FGF13: variants seen among roughly 807,000 people sequenced by gnomAD.
FGF13 encodes fibroblast growth factor homologous factor 2.
FGF13 carries 2 observed loss-of-function variants against 19.5 expected under a neutral mutation model. The ratio of observed to expected loss-of-function variants is 0.10; its 90% CI spans 0.04 to 0.32. The LOEUF (loss-of-function observed/expected upper bound fraction) is 0.32. Among genes scored for constraint, FGF13 ranks in the 10% least tolerant of loss-of-function variants. FGF13 has a pLI of 1.00. For synonymous variants in FGF13, 72 were observed against 76.9 expected, an observed-to-expected ratio of 0.94 and a Z score of 0.33; for missense variants, 113 against 192.7, an observed-to-expected ratio of 0.59 and a Z score of 2.45.
intron 3 of FGF13, among the ~76,000 whole-genome samples, chrX:138,749,322 T>TACACACACACACAC (rs34038080): frequency 9.8e-5 from 8 of 81,698 alleles, no homozygotes; most frequent in Admixed American, 5.5e-4. Context: ...GAGACCAAAA[T>TACACACACACACAC]ACACACACAC....
intron 1 of FGF13, among the ~76,000 whole-genome samples, chrX:139,015,157 CAT>C (rs1363214180): frequency 9.0e-6 from 1 of 110,786 alleles, no homozygotes; most frequent in Non-Finnish European, 1.9e-5. Flanking sequence ...CGATCAGGTA[CAT>C]GATAAGGGTG....
intron 3 of FGF13, among the ~76,000 whole-genome samples, chrX:138,784,907 G>A (rs1291891464): frequency 8.9e-6 from 1 of 112,116 alleles, no homozygotes; most frequent in Non-Finnish European, 1.9e-5. Context: ...TTTAGCAGGT[G>A]AGTGTTGCTT....
intron 1 of FGF13, among the ~76,000 whole-genome samples, chrX:139,051,743 C>T (rs542839328): frequency 8.9e-6 from 1 of 112,600 alleles, no homozygotes; most frequent in African/African-American, 3.2e-5. Flanking sequence ...TAGCAGTCTG[C>T]CTGTGCAGTT....
intron 1 of FGF13, among the ~76,000 whole-genome samples, chrX:139,169,825 C>T (rs775546051): frequency 1.8e-5 from 2 of 111,757 alleles, no homozygotes; most frequent in African/African-American, 6.5e-5. Context: ...CTGCCTTTTT[C>T]GGTGCCCAAC....
upstream of FGF13, among the ~76,000 whole-genome samples, chrX:138,739,998 A>G (rs1467350926): frequency 8.9e-6 from 1 of 112,303 alleles, no homozygotes; most frequent in East Asian, 2.8e-4. Context: ...CTATTTTAGC[A>G]TTACACCATA....
At chrX:139,097,258 G>A (rs2083476498) in intron 1 of FGF13, among the ~76,000 whole-genome samples, 2 of 111,130 alleles carry the variant, frequency 1.8e-5, no homozygotes, top group African/African-American at 6.5e-5. Context: ...GAAAGAAGAA[G>A]AATTGTCTTG....
intron 1 of FGF13, among the ~76,000 whole-genome samples, chrX:138,966,032 C>G (rs1266222235): frequency 8.9e-6 from 1 of 111,873 alleles, no homozygotes; most frequent in African/African-American, 3.3e-5. Context: ...TTAAAGGATG[C>G]AAAGTATTGT....
intron 3 of FGF13, among the ~76,000 whole-genome samples, chrX:138,690,521 T>C (rs191946643): frequency 9.4e-6 from 1 of 106,639 alleles, no homozygotes; most frequent in African/African-American, 3.4e-5. Flanking sequence ...AGTGGGAGCC[T>C]TTTTTTTTTC....
chrX:139,201,679 A>G (rs746954741), intron 1 of FGF13, among the ~76,000 whole-genome samples: 2 of 112,600 alleles, frequency 1.8e-5, no homozygotes, highest in African/African-American at 6.4e-5. Flanking sequence ...TATGGTCAAC[A>G]TATATAAACT....
chrX:139,086,025 C>T (rs2083401486), intron 1 of FGF13, among the ~76,000 whole-genome samples: 1 of 112,437 alleles, frequency 8.9e-6, no homozygotes, highest in African/African-American at 3.2e-5. Flanking sequence ...AAAGATATTA[C>T]AGGAAATGGT....
At chrX:138,911,051 G>T in intron 1 of FGF13, among the ~76,000 whole-genome samples, 1 of 110,548 alleles carries the variant, frequency 9.0e-6, no homozygotes, top group Non-Finnish European at 1.9e-5. Context: ...AAGCAAAGGA[G>T]GTGCTGGGAT....
In FGF13 at chrX:138,620,626, C is replaced by T. The variant is rs1170907681; in HGVS notation, c.*12224G>A. 1 of 111,724 alleles carries T rather than the reference C, an allele frequency of 9.0e-6. No homozygotes were observed. Among genetic ancestry groups the T allele is most frequent in the Non-Finnish European group, 1.9e-5 (1 of 53,147 alleles). The allele number at this position is 111,724 out of a possible 1,213,427, so 9.2% of individuals were successfully genotyped here. A position where few individuals can be genotyped will look rare whatever the true frequency, so the allele number is the denominator to read the frequency against. On this transcript the variant is annotated 3_prime_UTR_variant, in exon 5 of 5. Coordinates refer to ENST00000315930, the MANE Select transcript of FGF13 (RefSeq NM_004114.5). ...ATTTAACAAAGTAGCAATAGTATGT[C>T]TTTACCTATAAATAATTAATTTTAA... is the stretch of plus-strand genomic sequence containing the variant.
At chrX:138,843,027 T>C (rs1455233880) in intron 3 of FGF13, among the ~76,000 whole-genome samples, 1 of 111,736 alleles carries the variant, frequency 8.9e-6, no homozygotes, top group Non-Finnish European at 1.9e-5. Context: ...TGAGAATGTG[T>C]TGCTTGATTT....
chrX:138,723,235 C>G (rs1299371028), intron 1 of FGF13, among the ~76,000 whole-genome samples: 1 of 111,794 alleles, frequency 8.9e-6, no homozygotes, highest in African/African-American at 3.3e-5. Flanking sequence ...ATATCACTGT[C>G]AATTAACTTT....
chrX:139,142,559 A>T (rs1292724003), intron 1 of FGF13, among the ~76,000 whole-genome samples: 1 of 111,429 alleles, frequency 9.0e-6, no homozygotes, highest in African/African-American at 3.3e-5. Context: ...TCTGGGTACA[A>T]TGTAATGGTT....
At chrX:139,109,219 T>C (rs751511038) in intron 1 of FGF13, among the ~76,000 whole-genome samples, 3 of 111,961 alleles carry the variant, frequency 2.7e-5, no homozygotes, top group Non-Finnish European at 5.6e-5. Context: ...TTGTATTCTC[T>C]TGACAGGTAT....
At chrX:138,638,866 AT>A (rs1424151714) in intron 3 of FGF13, among the ~76,000 whole-genome samples, 1 of 111,630 alleles carries the variant, frequency 9.0e-6, no homozygotes, top group East Asian at 2.8e-4. Context: ...AATCTTGGCA[AT>A]TGTTACAACT....
intron 1 of FGF13, among the ~76,000 whole-genome samples, chrX:138,978,266 G>GTTTTTTTTTTTTTTTGTTTTT (rs10666140): frequency 6.0e-5 from 5 of 82,891 alleles, no homozygotes; most frequent in African/African-American, 2.0e-4. Flanking sequence ...AGCTGCCCTG[G>GTTTTTTTTTTTTTTTGTTTTT]TTTTTTTTTT....
At chrX:138,847,867 A>G (rs1320263546) in intron 3 of FGF13, among the ~76,000 whole-genome samples, 1 of 111,933 alleles carries the variant, frequency 8.9e-6, no homozygotes, top group Non-Finnish European at 1.9e-5. Flanking sequence ...CTGGTGTAAC[A>G]CAGAGACAGA....
Sources: allele counts gnomAD v4.1 joint callset (sites outside exome capture counted in the v4.1 genomes callset), GRCh38; gene constraint gnomAD v4.1.1; transcripts MANE v1.5; gene names NCBI Gene and HGNC (gene_info 2026-07-23, HGNC 2026-07-21).